The following PTBP3 variants were observed in gnomAD, a reference collection of about 807,000 sequenced individuals.
PTBP3 encodes the protein polypyrimidine tract-binding protein 3.
A neutral mutation model predicts 58.7 loss-of-function variants in PTBP3; 20 were observed. That is an observed-to-expected ratio of 0.34 (90% CI 0.24 to 0.50). PTBP3 has a LOEUF of 0.50. Among genes scored for constraint, PTBP3 ranks in the 20% least tolerant of loss-of-function variants. PTBP3 has a pLI of 0.98. For missense variants in PTBP3, 509 were observed against 637.2 expected, an observed-to-expected ratio of 0.80 and a Z score of 2.17; for synonymous variants, 185 against 219.8, an observed-to-expected ratio of 0.84 and a Z score of 1.40.
chr9:112,290,904 T>C (rs1318605902), intron 2 of PTBP3, among the ~76,000 whole-genome samples: 1 of 151,738 alleles, frequency 6.6e-6, no homozygotes, highest in East Asian at 1.9e-4. Context: ...CACACATGTG[T>C]CCACAAAAAG....
chr9:112,228,987 C>T (rs1226917544), intron 10 of PTBP3, among the ~76,000 whole-genome samples: 1 of 152,154 alleles, frequency 6.6e-6, no homozygotes, highest in East Asian at 1.9e-4. Flanking sequence ...TTATTACCCT[C>T]GATTTTTCTA....
At chr9:112,260,789 G>A (rs960462888) in intron 5 of PTBP3, among the ~76,000 whole-genome samples, 2 of 152,178 alleles carry the variant, frequency 1.3e-5, no homozygotes, top group Non-Finnish European at 2.9e-5. Context: ...CACTGGAAAA[G>A]AGGGTTAAAA....
intron 2 of PTBP3, among the ~76,000 whole-genome samples, chr9:112,289,233 T>G (rs1201194843): frequency 1.3e-5 from 2 of 152,176 alleles, no homozygotes; most frequent in South Asian, 4.1e-4. Context: ...CCAGGATCAT[T>G]TGCTAAATCT....
chr9:112,245,984 A>G (rs917820243), intron 7 of PTBP3, among the ~76,000 whole-genome samples: 4 of 151,666 alleles, frequency 2.6e-5, no homozygotes, highest in African/African-American at 9.7e-5. Flanking sequence ...CAGTCAAGAA[A>G]AACATTTTTT....
the PTBP3 span, among the ~76,000 whole-genome samples, chr9:112,365,176 CTATA>C: frequency 6.9e-6 from 1 of 145,824 alleles, no homozygotes. Flanking sequence ...ATCTATGTAT[CTATA>C]TATGTATGTA....
the PTBP3 span, among the ~76,000 whole-genome samples, chr9:112,355,314 G>A: frequency 6.6e-6 from 1 of 152,214 alleles, no homozygotes; most frequent in African/African-American, 2.4e-5. Flanking sequence ...GTGAAGACAA[G>A]GGGCAATAGT....
intron 3 of PTBP3, among the ~76,000 whole-genome samples, chr9:112,273,744 T>A (rs529471676): frequency 1.3e-5 from 2 of 152,228 alleles, no homozygotes; most frequent in East Asian, 3.9e-4. Context: ...GGAAAAAGAA[T>A]CCCCATTTGG....
At chr9:112,270,177 A>T (rs900361407) in intron 3 of PTBP3, among the ~76,000 whole-genome samples, 13 of 152,078 alleles carry the variant, frequency 8.5e-5, no homozygotes, top group African/African-American at 3.1e-4. Flanking sequence ...CCTGACCTCA[A>T]GCGATCCACC....
rs1564388419 is a variant in PTBP3 at position 112,228,546 on chromosome 9, T to C, written c.1055-74A>G. 3.1e-6 allele frequency: 3 copies of C among 970,984 alleles called. No individual in the cohort carries two copies. In the Admixed American group the frequency reaches 8.8e-5, roughly 28 times the overall value. 60.1% of individuals were successfully genotyped at this position (970,984 alleles called of 1,614,324 possible). On this transcript the variant is annotated intron_variant, in intron 10 of 13. Transcript: ENST00000374257. ...GTTTAATTAATTTTACTAATATACTTAAAGAAGGCATTTCTTACTCTCCCT... is the reference window on the plus strand; with the variant it reads ...GTTTAATTAATTTTACTAATATACTCAAAGAAGGCATTTCTTACTCTCCCT...
chr9:112,290,687 AATATAT>A (rs67387323), intron 2 of PTBP3, among the ~76,000 whole-genome samples: 47 of 84,970 alleles, frequency 5.5e-4, no homozygotes, highest in African/African-American at 2.3e-3. Flanking sequence ...AAAAAAAAAA[AATATAT>A]ATATATATAT....
chr9:112,338,758 A>G, the PTBP3 span, among the ~76,000 whole-genome samples: 1 of 152,218 alleles, frequency 6.6e-6, no homozygotes, highest in Non-Finnish European at 1.5e-5. Flanking sequence ...TGTCTCCTAC[A>G]TGCTCACTGA....
the PTBP3 span, among the ~76,000 whole-genome samples, chr9:112,369,305 C>G: frequency 2.6e-5 from 4 of 152,204 alleles, no homozygotes; most frequent in Admixed American, 1.3e-4. Context: ...GGAAAAGTCA[C>G]AGACACTCAA....
chr9:112,349,660 ACCAGCCTGG>A, the PTBP3 span, among the ~76,000 whole-genome samples: 61 of 152,026 alleles, frequency 4.0e-4, no homozygotes, highest in Non-Finnish European at 1.0e-4. Flanking sequence ...GGAGTTCAGG[ACCAGCCTGG>A]CCAACATGGT....
intron 1 of PTBP3, among the ~76,000 whole-genome samples, chr9:112,321,595 A>C (rs10733587): frequency 0.84 from 127,253 of 151,442 alleles, 53,758 homozygotes; most frequent in African/African-American, 0.92. Flanking sequence ...TTCTTGGACC[A>C]ATCAGGGAAG....
Position 112,219,629 on chromosome 9 carries a change from CT to C in PTBP3, c.*4221del, listed in dbSNP as rs1336293962. ...GATAAAGGCAAAAGTGTAACTGAGA[CT>C]TTATTTATAGTTACAATTCTTTGCT... On this transcript the variant is annotated 3_prime_UTR_variant, in exon 14 of 14. Transcript: ENST00000374257. The C allele has an allele frequency of 2.0e-5, 3 of 152,616 alleles. No homozygotes were observed. Among genetic ancestry groups the C allele is most frequent in the Non-Finnish European group, 4.4e-5 (3 of 68,044 alleles). 9.5% of individuals were successfully genotyped at this position (152,616 alleles called of 1,614,324 possible).
chr9:112,364,937 C>T, the PTBP3 span, among the ~76,000 whole-genome samples: 1 of 152,144 alleles, frequency 6.6e-6, no homozygotes, highest in East Asian at 1.9e-4. Flanking sequence ...TACATATCTC[C>T]ATTCCTCCAC....
At chr9:112,363,291 T>G in the PTBP3 span, among the ~76,000 whole-genome samples, 1 of 152,142 alleles carries the variant, frequency 6.6e-6, no homozygotes, top group Non-Finnish European at 1.5e-5. Context: ...ACGCTTGTGA[T>G]CTCAGAACTT....
the PTBP3 span, among the ~76,000 whole-genome samples, chr9:112,363,281 A>G: frequency 1.1e-4 from 16 of 152,120 alleles, no homozygotes; most frequent in Admixed American, 1.0e-3. Context: ...TTGGTAGCAC[A>G]CGCTTGTGAT....
At chr9:112,360,051 A>G in the PTBP3 span, among the ~76,000 whole-genome samples, 1 of 152,256 alleles carries the variant, frequency 6.6e-6, no homozygotes, top group Non-Finnish European at 1.5e-5. Flanking sequence ...AAATGCAATA[A>G]TCAGGTTAAT....
Sources: gnomAD v4.1 joint callset for allele counts (sites outside exome capture counted in the v4.1 genomes callset) on GRCh38, gnomAD v4.1.1 for gene constraint, MANE v1.5 for transcripts, NCBI Gene and HGNC (gene_info 2026-07-23, HGNC 2026-07-21) for gene names.